DHRSX: variants seen among roughly 807,000 people sequenced by gnomAD.
DHRSX encodes polyprenol dehydrogenase.
Under a neutral mutation model 34.0 loss-of-function variants are expected in DHRSX, and 31 were observed. The ratio of observed to expected loss-of-function variants is 0.91; its 90% CI spans 0.69 to 1.23. DHRSX has a LOEUF of 1.23. Ranked by LOEUF, DHRSX falls within the 50% of genes most tolerant of loss-of-function variation. The pLI, the probability that DHRSX is intolerant of heterozygous loss-of-function variation, is 0.00. For missense variants in DHRSX, 414 were observed against 428.1 expected (o/e 0.97, Z 0.29); for synonymous variants, 201 against 183.8 (o/e 1.09, Z -0.76).
intron 6 of DHRSX, 58 bp downstream of exon 6, chrX:2,242,965 C>T (rs2016175046): frequency 3.9e-6 from 6 of 1,557,220 alleles, no homozygotes; most frequent in Middle Eastern, 1.8e-4. Context: ...ACTGGGGACC[C>T]CCTTTCCTGT....
intron 1 of DHRSX, among the ~76,000 whole-genome samples, chrX:2,484,190 C>G (rs1446751728): frequency 1.3e-5 from 2 of 152,172 alleles, no homozygotes; most frequent in Admixed American, 1.3e-4. Context: ...CCAGGCTGGT[C>G]TTGAACTCCT....
chrX:2,376,301 C>T lies in DHRSX; in HGVS notation c.286+32444G>A, dbSNP rs2043140357. On this transcript the variant is annotated intron_variant, in intron 3 of 6. Transcript: ENST00000334651. ...AGTGTGCATGTATGTCTACACTTGC[C>T]ATAAACGAAAGCACAAAAGGGAAAT... Among the ~76,000 whole-genome samples the T allele has an allele frequency of 1.5e-5, 2 of 137,340 alleles. 1 individual carries two copies. The allele number at this position is 137,340 out of a possible 152,430, so 90.1% of individuals were successfully genotyped here.
chrX:2,403,846 A>C (rs1365483483), intron 3 of DHRSX, among the ~76,000 whole-genome samples: 8 of 150,772 alleles, frequency 5.3e-5, no homozygotes, highest in Non-Finnish European at 1.0e-4. Flanking sequence ...ACAAGAGTGA[A>C]ACTCTGTCTC....
Position 2,317,256 on chromosome X carries a change from C to CTT in DHRSX, c.287-25655_287-25654dup, listed in dbSNP as rs779722860. ...TACAGGCGTGAGCCACCGCGCCTGG[C>CTT]TTTTTTTTTTTTTGAGACAGAGTCT... On this transcript the variant is annotated intron_variant, in intron 3 of 6. Transcript: ENST00000334651. Among the ~76,000 whole-genome samples the CTT allele has an allele frequency of 3.3e-4, 29 of 87,430 alleles. 5 individuals are homozygous for CTT. Among genetic ancestry groups the CTT allele is most frequent in the South Asian group, 1.1e-3 (3 of 2,764 alleles). The allele number at this position is 87,430 out of a possible 152,430, so 57.4% of individuals were successfully genotyped here. A position where few individuals can be genotyped will look rare whatever the true frequency, so the allele number is the denominator to read the frequency against.
At chrX:2,246,364 C>T (rs35391910) in intron 5 of DHRSX, among the ~76,000 whole-genome samples, 65,980 of 151,868 alleles carry the variant, frequency 0.43, 15,688 homozygotes, top group Middle Eastern at 0.58. Context: ...TGGCTCATGC[C>T]TGTAATCCCA....
chrX:2,415,471 A>G (rs1047167202), intron 2 of DHRSX, among the ~76,000 whole-genome samples: 1 of 152,012 alleles, frequency 6.6e-6, no homozygotes, highest in Non-Finnish European at 1.5e-5. Context: ...ATCATGACCT[A>G]ATACAACTAG....
At chrX:2,292,471 CCCTT>C (rs2041878238) in intron 3 of DHRSX, among the ~76,000 whole-genome samples, 1 of 152,158 alleles carries the variant, frequency 6.6e-6, no homozygotes, top group Non-Finnish European at 1.5e-5. Flanking sequence ...TAAGTATGAG[CCCTT>C]CCACGCTGCT....
intron 3 of DHRSX, among the ~76,000 whole-genome samples, chrX:2,344,921 T>C (rs1349232097): frequency 7.1e-6 from 1 of 140,088 alleles, no homozygotes; most frequent in Non-Finnish European, 1.5e-5. Flanking sequence ...ATATACTGTA[T>C]TTATTTAATA....
At chrX:2,358,727 T>G (rs1261360173) in intron 3 of DHRSX, among the ~76,000 whole-genome samples, 1 of 152,148 alleles carries the variant, frequency 6.6e-6, no homozygotes, top group African/African-American at 2.4e-5. Flanking sequence ...ACAATATTCC[T>G]TAGTTAGTAA....
chrX:2,231,384 CCT>C (rs1165900912), intron 6 of DHRSX, among the ~76,000 whole-genome samples: 1 of 151,860 alleles, frequency 6.6e-6, no homozygotes, highest in Non-Finnish European at 1.5e-5. Flanking sequence ...TCTTTCCCTC[CCT>C]CTCTCTCACA....
intron 3 of DHRSX, among the ~76,000 whole-genome samples, chrX:2,368,581 A>G (rs998608271): frequency 2.0e-5 from 3 of 151,978 alleles, no homozygotes; most frequent in Non-Finnish European, 4.4e-5. Context: ...CAGGCGCGGA[A>G]GCTCACGCCT....
chrX:2,343,806 G>A lies in DHRSX; in HGVS notation c.287-52203C>T, dbSNP rs182655226. The stretch of plus-strand genomic sequence containing the variant: ...GATGATAAATGTTACGTTGTTTGAT[G>A]TAGAATGTTTAATCTATAACATGCA... On this transcript the variant is annotated intron_variant, in intron 3 of 6. Transcript: ENST00000334651. 3.5e-3 allele frequency among the ~76,000 whole-genome samples: 535 copies of A among 152,250 alleles called. 16 individuals are homozygous for A. The highest frequency in any genetic ancestry group is 9.1e-4 in the Non-Finnish European group (62 of 68,016).
intron 3 of DHRSX, among the ~76,000 whole-genome samples, chrX:2,357,576 G>C (rs1184994167): frequency 1.3e-5 from 2 of 151,848 alleles, no homozygotes; most frequent in African/African-American, 4.8e-5. Flanking sequence ...TCGTCAATGT[G>C]AGATTTCAGT....
At chrX:2,259,367 TATATATAGATATATATATAGATATATAG>T (rs1167591633) in intron 5 of DHRSX, among the ~76,000 whole-genome samples, 13 of 80,326 alleles carry the variant, frequency 1.6e-4, no homozygotes, top group Admixed American at 3.3e-4. Flanking sequence ...TAGATATAGA[TATATATAGATATATATATAGATATATAG>T]ATATATATAT....
At position 2,488,728 on chromosome X, in the gene DHRSX, C is replaced by A. The variant is rs760406358; in HGVS notation, c.109+12089G>T. 5.0e-6 allele frequency: 8 copies of A among 1,613,970 alleles called. No individual in the cohort carries two copies. The South Asian group carries it at 5.5e-5, about 11-fold the overall frequency. On this transcript the variant is annotated intron_variant, in intron 1 of 6. Coordinates refer to ENST00000334651, the MANE Select transcript of DHRSX (RefSeq NM_145177.3). ...GCTCCTGGTCCAGGCCCCACTCCCC[C>A]TCGTCCTGGTCCTCGGGTTCCGCCT...
chrX:2,474,857 A>T (rs2044652246), intron 1 of DHRSX, among the ~76,000 whole-genome samples: 1 of 151,514 alleles, frequency 6.6e-6, no homozygotes, highest in South Asian at 2.1e-4. Flanking sequence ...GACCGCCGCC[A>T]TGTACACACT....
At chrX:2,297,760 G>C (rs2041951515) in intron 3 of DHRSX, among the ~76,000 whole-genome samples, 1 of 95,828 alleles carries the variant, frequency 1.0e-5, no homozygotes, top group Non-Finnish European at 2.7e-5. Context: ...TTGTCTTTTT[G>C]AGTTTTTTTT....
Position 2,220,732 on chromosome X carries a change from G to T in DHRSX, c.*309C>A. The T allele has an allele frequency of 2.6e-6, 1 of 383,814 alleles. No homozygotes were observed. Among genetic ancestry groups the T allele is most frequent in the Non-Finnish European group, 4.7e-6 (1 of 213,974 alleles). The allele number at this position is 383,814 out of a possible 1,614,324, so 23.8% of individuals were successfully genotyped here. A position where few individuals can be genotyped will look rare whatever the true frequency, so the allele number is the denominator to read the frequency against. On this transcript the variant is annotated 3_prime_UTR_variant, in exon 7 of 7. Transcript: ENST00000334651. ...TCTCTTGGAACTTTTGTACTCAGTT[G>T]TATTAACGCGGCAAGGAAAATGGCA...
intron 1 of DHRSX, among the ~76,000 whole-genome samples, chrX:2,432,772 C>T (rs1178725960): frequency 6.6e-6 from 1 of 152,132 alleles, no homozygotes; most frequent in Non-Finnish European, 1.5e-5. Flanking sequence ...AAAGAAAATG[C>T]TTCCTAAACG....
Sources: gnomAD v4.1 joint callset for allele counts (sites outside exome capture counted in the v4.1 genomes callset) on GRCh38, gnomAD v4.1.1 for gene constraint, MANE v1.5 for transcripts, NCBI Gene and HGNC (gene_info 2026-07-23, HGNC 2026-07-21) for gene names.